Variants in E2F5 observed in about 807,000 individuals in gnomAD.
E2F5 encodes E2F transcription factor 5, also known as transcription factor E2F5.
E2F5 carries 23 observed loss-of-function variants against 39.1 expected under a neutral mutation model. The ratio of observed to expected loss-of-function variants is 0.59; its 90% CI spans 0.42 to 0.83. The LOEUF is 0.83. E2F5 is among the 40% of genes least tolerant of loss of function. The pLI, the probability that E2F5 is intolerant of heterozygous loss-of-function variation, is 0.00. For missense variants in E2F5, 365 were observed against 406.7 expected, an observed-to-expected ratio of 0.90 and a Z score of 0.88; for synonymous variants, 145 against 157.8, an observed-to-expected ratio of 0.92 and a Z score of 0.61.
At chr8:85,208,679 A>G (rs1812848950) in intron 5 of E2F5, among the ~76,000 whole-genome samples, 1 of 152,156 alleles carries the variant, frequency 6.6e-6, no homozygotes, top group African/African-American at 2.4e-5. Flanking sequence ...TTTCAGCTGG[A>G]AGAATGTTAT....
rs1812871297 is a variant in E2F5, at chr8:85,209,503, CCAAG to C, written c.883+97_883+100del. On this transcript the variant is annotated intron_variant, in intron 6 of 7. Transcript: ENST00000416274. Reference sequence around the variant, plus strand: ...CAAAGTGCTTGTGACCAGAAATGTCCCAAGCACTTTTGACATTTTGGAATATTTG... The same window carrying C: ...CAAAGTGCTTGTGACCAGAAATGTCCCACTTTTGACATTTTGGAATATTTG... 3.6e-6 allele frequency: 5 copies of C among 1,406,876 alleles called. No individual in the cohort carries two copies. In the East Asian group the frequency reaches 1.2e-4, roughly 35 times the overall value. 87.1% of individuals were successfully genotyped at this position (1,406,876 alleles called of 1,614,324 possible).
At chr8:85,202,026 C>T in intron 1 of E2F5, 121 bp from the exon 2 acceptor site, 1 of 751,762 alleles carries the variant, frequency 1.3e-6, no homozygotes, top group Non-Finnish European at 2.2e-6. Context: ...CTATTGTCCC[C>T]AAGCAACTGA....
chr8:85,206,340 C>T (rs1812803178), intron 4 of E2F5, 120 bp downstream of exon 4: 2 of 946,304 alleles, frequency 2.1e-6, no homozygotes, highest in Non-Finnish European at 3.3e-6. Context: ...CATTGTGTCT[C>T]ACTCCACCAT....
intron 4 of E2F5, 154 bp downstream of exon 4, chr8:85,206,374 TG>T (rs773031072): frequency 5.8e-5 from 41 of 702,386 alleles, no homozygotes; most frequent in Non-Finnish European, 8.5e-5. Context: ...AGACTGCTTT[TG>T]TTTCTGTTTT....
chr8:85,209,359 C>T lies in E2F5; in HGVS notation c.833C>T (p.Ser278Phe), dbSNP rs749554311. 6.2e-6 allele frequency: 10 copies of T among 1,613,674 alleles called. No homozygotes were observed. In the African/African-American group the frequency reaches 1.1e-4, roughly 17 times the overall value. ...ATQNLPEQHVSERSQALQQTS... is the reference protein window; with the variant it reads ...ATQNLPEQHVFERSQALQQTS... ...CAAAATCTGCCTGAGCAACATGTCT[C>T]TGAAAGAAGCCAGGCTCTGCAGCAG... The change falls in exon 6 of 8, where the codon TCT becomes TTT. Residue 278 changes from serine (S) to phenylalanine (F), a missense_variant. Coordinates refer to ENST00000416274, the MANE Select transcript of E2F5 (RefSeq NM_001951.4).
chr8:85,193,374 T>G (rs1425235842), intron 1 of E2F5, among the ~76,000 whole-genome samples: 1 of 152,042 alleles, frequency 6.6e-6, no homozygotes, highest in African/African-American at 2.4e-5. Flanking sequence ...ATCCAGCTAC[T>G]TGGGAGGCTT....
chr8:85,209,114 C>T (rs370781757), intron 5 of E2F5, 28 bp from the exon 6 acceptor site: 7 of 1,602,254 alleles, frequency 4.4e-6, no homozygotes, highest in Non-Finnish European at 6.0e-6. Context: ...AATAATTATA[C>T]ATTTGTTTAT....
At chr8:85,196,328 A>G (rs1024669952) in intron 1 of E2F5, among the ~76,000 whole-genome samples, 3 of 152,144 alleles carry the variant, frequency 2.0e-5, no homozygotes, top group African/African-American at 4.8e-5. Flanking sequence ...TATCTCTTAT[A>G]ACATTTTGTC....
At chr8:85,203,927 C>T (rs2129728175) in intron 3 of E2F5, among the ~76,000 whole-genome samples, 1 of 151,098 alleles carries the variant, frequency 6.6e-6, no homozygotes, top group African/African-American at 2.4e-5. Flanking sequence ...CGTCTTCTCT[C>T]AGGTATCTGT....
chr8:85,201,897 T>A (rs1247912229), intron 1 of E2F5: 1 of 485,768 alleles, frequency 2.1e-6, no homozygotes, highest in Non-Finnish European at 3.6e-6. Context: ...GTTCTTTTAT[T>A]TTTGCAGGCT....
At chr8:85,182,352 A>G (rs1272380887) in intron 1 of E2F5, among the ~76,000 whole-genome samples, 1 of 152,250 alleles carries the variant, frequency 6.6e-6, no homozygotes, top group African/African-American at 2.4e-5. Context: ...CTGCTAGTTA[A>G]GTAGGCCAAG....
intron 1 of E2F5, among the ~76,000 whole-genome samples, chr8:85,181,120 C>T (rs1007031401): frequency 4.6e-5 from 7 of 152,088 alleles, no homozygotes; most frequent in Non-Finnish European, 1.0e-4. Flanking sequence ...TCAAAGCTAT[C>T]TGCCTACCTT....
intron 1 of E2F5, among the ~76,000 whole-genome samples, chr8:85,180,485 T>TTTTAAACG (rs1812180545): frequency 7.1e-6 from 1 of 141,280 alleles, no homozygotes; most frequent in African/African-American, 2.6e-5. Context: ...TACACTTGAC[T>TTTTAAACG]TTTAAACGCA....
In E2F5 at chr8:85,204,292, G is replaced by C. The variant is rs201658132; in HGVS notation, c.506+1037G>C. On this transcript the variant is annotated intron_variant, in intron 3 of 7. Transcript: ENST00000416274. ...ATATATAAAGTTTTCTGTATATTAT[G>C]GTATTTTGACATCTCCATAAACCTT... Among the ~76,000 whole-genome samples, 4 of 152,132 alleles carry C rather than the reference G, an allele frequency of 2.6e-5. No individual in the cohort carries two copies. In the East Asian group the frequency reaches 7.7e-4, roughly 29 times the overall value.
At chr8:85,206,613 G>T (rs1812807732) in intron 4 of E2F5, among the ~76,000 whole-genome samples, 1 of 152,104 alleles carries the variant, frequency 6.6e-6, no homozygotes, top group Admixed American at 6.6e-5. Flanking sequence ...GGTCTCAAAT[G>T]AAACTCAAAG....
chr8:85,196,767 C>G (rs962555373), intron 1 of E2F5, among the ~76,000 whole-genome samples: 5 of 152,142 alleles, frequency 3.3e-5, no homozygotes, highest in African/African-American at 1.2e-4. Flanking sequence ...GATAATGTCT[C>G]TGTAAGATTC....
chr8:85,187,306 C>T (rs552149545), intron 1 of E2F5, among the ~76,000 whole-genome samples: 1 of 152,126 alleles, frequency 6.6e-6, no homozygotes, highest in East Asian at 1.9e-4. Flanking sequence ...ATGTTAGGTT[C>T]ATTTGATCTA....
intron 1 of E2F5, among the ~76,000 whole-genome samples, chr8:85,190,628 C>G (rs1812441512): frequency 6.6e-6 from 1 of 151,098 alleles, no homozygotes; most frequent in South Asian, 2.1e-4. Context: ...TTCAGCCTCC[C>G]TAGTAGCTGG....
chr8:85,191,663 T>C (rs1369077722), intron 1 of E2F5, among the ~76,000 whole-genome samples: 1 of 152,242 alleles, frequency 6.6e-6, no homozygotes, highest in Non-Finnish European at 1.5e-5. Context: ...CAGATGCTTG[T>C]CCTGACTCTC....
Sources: gnomAD v4.1 joint callset for allele counts (sites outside exome capture counted in the v4.1 genomes callset) on GRCh38, gnomAD v4.1.1 for gene constraint, MANE v1.5 for transcripts, NCBI Gene and HGNC (gene_info 2026-07-23, HGNC 2026-07-21) for gene names.